The following SHMT1 variants were observed in gnomAD, a reference collection of about 807,000 sequenced individuals.
The protein encoded by SHMT1 is serine hydroxymethyltransferase, cytosolic.
Under a neutral mutation model 49.0 loss-of-function variants are expected in SHMT1, and 45 were observed. That is an observed-to-expected ratio of 0.92 (90% confidence interval 0.72 to 1.18). SHMT1 has a LOEUF of 1.18. Among genes scored for constraint, SHMT1 ranks in the 50% most tolerant of loss-of-function variants. SHMT1 has a pLI of 0.00. For synonymous variants in SHMT1, 232 were observed against 246.6 expected, an observed-to-expected ratio of 0.94 and a Z score of 0.55; for missense variants, 541 against 612.4, an observed-to-expected ratio of 0.88 and a Z score of 1.23.
intron 5 of SHMT1, among the ~76,000 whole-genome samples, chr17:18,346,129 G>C (rs1280491739): frequency 6.6e-6 from 1 of 152,128 alleles, no homozygotes; most frequent in Non-Finnish European, 1.5e-5. Flanking sequence ...GCAATCACCA[G>C]CACTGAGACA....
At chr17:18,334,649 C>T (rs543623846) in intron 8 of SHMT1, among the ~76,000 whole-genome samples, 1 of 152,286 alleles carries the variant, frequency 6.6e-6, no homozygotes, top group Non-Finnish European at 1.5e-5. Flanking sequence ...TGGTATCTCA[C>T]ATTCAATCCT....
intron 2 of SHMT1, 27 bp downstream of exon 2, chr17:18,355,859 A>G (rs781679685): frequency 7.4e-6 from 11 of 1,485,918 alleles, no homozygotes; most frequent in Non-Finnish European, 9.4e-6. Flanking sequence ...AACATAAAAA[A>G]ATCTGTGAAG....
At position 18,337,666 on chromosome 17, in the gene SHMT1, TCCCTGCCTGATTC is replaced by T. The variant is rs1419414121; in HGVS notation, c.815-2004_815-1992del. Among the ~76,000 whole-genome samples the T allele has an allele frequency of 4.7e-5, 7 of 148,222 alleles. No homozygotes were observed. The Admixed American group carries it at 4.8e-4, about 10-fold the overall frequency. ...GCCGCCATCTCGGCTCACTGCAACC[TCCCTGCCTGATTC>T]TCCTGCCTCAGCCTGCCGAGTGCCT... On this transcript the variant is annotated intron_variant, in intron 7 of 11. Transcript: ENST00000316694.
intron 9 of SHMT1, 86 bp downstream of exon 9, chr17:18,333,080 G>A (rs1342638903): frequency 2.6e-6 from 4 of 1,531,050 alleles, no homozygotes; most frequent in Admixed American, 3.4e-5. Flanking sequence ...AGCAGAGCCT[G>A]GGCCACATCC....
chr17:18,349,892 C>T (rs1321023465), intron 3 of SHMT1, among the ~76,000 whole-genome samples: 2 of 151,662 alleles, frequency 1.3e-5, no homozygotes, highest in Admixed American at 6.6e-5. Flanking sequence ...TGGTGGTGCA[C>T]GCCTGTATTC....
intron 5 of SHMT1, among the ~76,000 whole-genome samples, chr17:18,345,627 A>G (rs1356358382): frequency 6.6e-6 from 1 of 150,990 alleles, no homozygotes; most frequent in Non-Finnish European, 1.5e-5. Flanking sequence ...CGCCTGCCTC[A>G]GCCTCCCAAA....
intron 10 of SHMT1, among the ~76,000 whole-genome samples, chr17:18,330,075 G>A (rs769162161): frequency 1.3e-5 from 2 of 151,778 alleles, no homozygotes; most frequent in Non-Finnish European, 2.9e-5. Flanking sequence ...TCCTGACCTC[G>A]TGATCCACCC....
chr17:18,338,402 T>A (rs916540865), intron 7 of SHMT1, among the ~76,000 whole-genome samples: 2 of 147,602 alleles, frequency 1.4e-5, no homozygotes, highest in Non-Finnish European at 3.0e-5. Context: ...GGGAGGGAGG[T>A]GGGGGGCAGC....
chr17:18,352,474 C>A (rs1480293949), intron 3 of SHMT1, among the ~76,000 whole-genome samples: 1 of 151,338 alleles, frequency 6.6e-6, no homozygotes, highest in African/African-American at 2.4e-5. Context: ...GAAAACATCA[C>A]CCCTTGCTCG....
At chr17:18,359,062 T>C (rs1435911598) in intron 1 of SHMT1, among the ~76,000 whole-genome samples, 1 of 150,006 alleles carries the variant, frequency 6.7e-6, no homozygotes, top group East Asian at 2.0e-4. Flanking sequence ...GAGACCAGCC[T>C]GGCCAACATG....
chr17:18,346,467 A>C (rs1985089445), intron 5 of SHMT1, among the ~76,000 whole-genome samples: 1 of 152,148 alleles, frequency 6.6e-6, no homozygotes, highest in African/African-American at 2.4e-5. Context: ...ACGAAAAACA[A>C]GTATTTGCCT....
At chr17:18,337,222 G>A (rs1983889794) in intron 7 of SHMT1, among the ~76,000 whole-genome samples, 2 of 152,170 alleles carry the variant, frequency 1.3e-5, no homozygotes, top group Admixed American at 1.3e-4. Flanking sequence ...GGAACAGAGA[G>A]GCTGCACAGC....
Position 18,348,361 on chromosome 17 carries a change from G to A in SHMT1, c.322C>T (p.Pro108Ser), listed in dbSNP as rs1369875074. 1.2e-6 allele frequency: 2 copies of A among 1,613,790 alleles called. No homozygotes were observed. Among genetic ancestry groups the A allele is most frequent in the Admixed American group, 1.7e-5 (1 of 60,022 alleles). The part of the protein sequence containing the change: ...KRALQAYKLD[P>S]QCWGVNVQPY... The stretch of plus-strand genomic sequence containing the variant: ...TGGACGTTGACCCCCCAGCACTGTG[G>A]GTCCAGCTTATAGGCCTGCAGGGCT... The change falls in exon 4 of 12, where the codon CCA becomes TCA. Residue 108 changes from proline (P) to serine (S), a missense_variant. Pro to Ser is a moderately conservative substitution (Grantham distance 74). Transcript: ENST00000316694.
In SHMT1 at chr17:18,333,179, G is replaced by A; in HGVS notation, c.1041C>T (p.Tyr347=). ...CTGTGTCTCTACCTGTGACTATTTT[G>A]TAGCCCAGCTCCGTCAGGGCCTCAG... is the stretch of plus-strand genomic sequence containing the variant. The part of the protein sequence containing the change: ...ALSEALTELG[Y]KIVTGGSDNH... The change falls in exon 9 of 12, where the codon TAC becomes TAT. Residue 347 remains tyrosine (Y), a synonymous_variant. Transcript: ENST00000316694. 5.6e-6 allele frequency: 9 copies of A among 1,614,082 alleles called. No individual in the cohort carries two copies. Among genetic ancestry groups the A allele is most frequent in the Non-Finnish European group, 7.6e-6 (9 of 1,179,972 alleles).
intron 11 of SHMT1, 23 bp from the exon 12 acceptor site, chr17:18,328,942 G>A (rs2151559661): frequency 6.2e-7 from 1 of 1,613,368 alleles, no homozygotes; most frequent in Non-Finnish European, 8.5e-7. Flanking sequence ...ACACAAATGA[G>A]TCACCCCACA....
chr17:18,347,125 G>T (rs980749404), intron 5 of SHMT1, among the ~76,000 whole-genome samples: 1 of 152,228 alleles, frequency 6.6e-6, no homozygotes, highest in African/African-American at 2.4e-5. Context: ...TCCGAGCAGA[G>T]ATGTCACCAG....
At chr17:18,343,793 G>T (rs1027859741) in intron 5 of SHMT1, among the ~76,000 whole-genome samples, 1 of 150,244 alleles carries the variant, frequency 6.7e-6, no homozygotes. Context: ...GGTGGCATGC[G>T]CCTCTAGTCC....
intron 10 of SHMT1, among the ~76,000 whole-genome samples, chr17:18,329,812 CACAGCCAAGAG>C (rs771316746): frequency 3.9e-5 from 6 of 152,176 alleles, no homozygotes; most frequent in Non-Finnish European, 5.9e-5. Context: ...AGTACAAAGG[CACAGCCAAGAG>C]ACAGCCAAGG....
intron 3 of SHMT1, among the ~76,000 whole-genome samples, chr17:18,352,258 T>C (rs971953800): frequency 6.6e-6 from 1 of 151,292 alleles, no homozygotes; most frequent in Non-Finnish European, 1.5e-5. Flanking sequence ...GCCATTCTCC[T>C]GCATCAGCCT....
Sources: allele counts gnomAD v4.1 joint callset (sites outside exome capture counted in the v4.1 genomes callset), GRCh38; gene constraint gnomAD v4.1.1; transcripts MANE v1.5; gene names NCBI Gene and HGNC (gene_info 2026-07-23, HGNC 2026-07-21).